The following BRD3 variants were observed in gnomAD, a reference collection of about 807,000 sequenced individuals.
The protein encoded by BRD3 is bromodomain containing 3.
BRD3 carries 17 observed loss-of-function variants against 66.8 expected under a neutral mutation model. The observed-to-expected ratio is 0.25, with a 90% CI of 0.17 to 0.38. The LOEUF is 0.38. Ranked by LOEUF, BRD3 falls within the 10% of genes least tolerant of loss-of-function variation. The probability of loss-of-function intolerance (pLI) is 1.00; values close to 1 mark genes in which losing one functional copy is unlikely to be tolerated. For synonymous variants in BRD3, 421 were observed against 393.2 expected (o/e 1.07, Z -0.84); for missense variants, 713 against 956.1 (o/e 0.75, Z 3.35).
intron 3 of BRD3, 46 bp from the exon 4 acceptor site, chr9:134,051,755 G>A (rs765434025): frequency 1.3e-6 from 2 of 1,562,086 alleles, no homozygotes; most frequent in Non-Finnish European, 1.7e-6. Context: ...AAGGAGCTGT[G>A]TGCTTGCAAA....
intron 1 of BRD3, 101 bp from the exon 2 acceptor site, chr9:134,053,691 G>T: frequency 9.2e-7 from 1 of 1,082,448 alleles, no homozygotes; most frequent in Non-Finnish European, 1.3e-6. Flanking sequence ...TCGGGCCTCA[G>T]CAGGGCCTGC....
chr9:134,061,488 G>C (rs1348459971), intron 1 of BRD3, among the ~76,000 whole-genome samples: 1 of 152,192 alleles, frequency 6.6e-6, no homozygotes, highest in African/African-American at 2.4e-5. Context: ...TGGGAGACAG[G>C]AGCACTGGAA....
rs146199216 is a variant in BRD3 at position 134,050,389 on chromosome 9, C to A, written c.699G>T (p.Thr233=). ...ATPIVPVVPP[T]PPVVKKKGVK... is the part of the protein sequence containing the mutation. ...GGGTGCTCACCTTGACGACAGGCGG[C>A]GTAGGAGGGACCACGGGGACGATGG... Residue 233 remains threonine (T), a synonymous_variant, in exon 5 of 12, where the codon ACG becomes ACT. Coordinates refer to ENST00000303407, the MANE Select transcript of BRD3 (RefSeq NM_007371.4). 4 of 1,611,228 alleles carry A rather than the reference C, an allele frequency of 2.5e-6. No individual in the cohort carries two copies. In the South Asian group the frequency reaches 3.3e-5, roughly 13 times the overall value.
At chr9:134,039,532 A>G (rs1224682936) in intron 9 of BRD3, among the ~76,000 whole-genome samples, 1 of 151,732 alleles carries the variant, frequency 6.6e-6, no homozygotes. Flanking sequence ...TGGCCAGGAG[A>G]GCTCCCATCC....
chr9:134,059,404 G>A (rs1037211207), intron 1 of BRD3, among the ~76,000 whole-genome samples: 1 of 152,232 alleles, frequency 6.6e-6, no homozygotes, highest in African/African-American at 2.4e-5. Context: ...AAGTGGGGCA[G>A]GGGTGGGGCA....
chr9:134,056,628 C>G (rs1415169830), intron 1 of BRD3: 1 of 152,394 alleles, frequency 6.6e-6, no homozygotes, highest in East Asian at 1.9e-4. Flanking sequence ...TGGCATCCCC[C>G]TCAAGCCCCC....
chr9:134,039,828 C>T (rs111254922), intron 9 of BRD3, among the ~76,000 whole-genome samples: 1 of 151,942 alleles, frequency 6.6e-6, no homozygotes, highest in Non-Finnish European at 1.5e-5. Context: ...GAATCCAGGC[C>T]AGCCCCGCAG....
Position 134,050,398 on chromosome 9 carries a change from G to A in BRD3, c.690C>T (p.Val230=). The change falls in exon 5 of 12, where the codon GTC becomes GTT. Residue 230 remains valine (V), a synonymous_variant. Coordinates refer to ENST00000303407, the MANE Select transcript of BRD3 (RefSeq NM_007371.4). Reference sequence around the variant, plus strand: ...CCTTGACGACAGGCGGCGTAGGAGGGACCACGGGGACGATGGGTGTGGCAG... The same window carrying A: ...CCTTGACGACAGGCGGCGTAGGAGGAACCACGGGGACGATGGGTGTGGCAG... ...PPPATPIVPV[V]PPTPPVVKKK... is the part of the protein sequence containing the mutation. 2.5e-6 allele frequency: 4 copies of A among 1,611,772 alleles called. No homozygotes were observed. The highest frequency in any genetic ancestry group is 2.5e-6 in the Non-Finnish European group (3 of 1,179,674).
upstream of BRD3, chr9:134,068,116 C>T (rs1830712419): frequency 7.0e-6 from 1 of 143,670 alleles, no homozygotes; most frequent in African/African-American, 2.5e-5. Context: ...CCGGGGCCGC[C>T]CAGGGGAGGC....
In BRD3 at chr9:134,053,436, C is replaced by G. The variant is rs376060429; in HGVS notation, c.42G>C (p.Ala14=). The change falls in exon 2 of 12, where the codon GCG becomes GCC. Residue 14 remains alanine (A), a synonymous_variant. Transcript: ENST00000303407. ...GGGGTGGGTTCACAGGGCCCGGGGTCGCCGGGATCCCCGCGGGGGCGACTG... is the reference window on the plus strand; with the variant it reads ...GGGGTGGGTTCACAGGGCCCGGGGTGGCCGGGATCCCCGCGGGGGCGACTG... ...ATTVAPAGIP[A]TPGPVNPPPP... The G allele has an allele frequency of 4.3e-6, 7 of 1,610,274 alleles. No homozygotes were observed. The African/African-American group carries it at 9.3e-5, about 21-fold the overall frequency.
At chr9:134,039,211 A>G (rs1038518636) in intron 9 of BRD3, among the ~76,000 whole-genome samples, 1 of 152,160 alleles carries the variant, frequency 6.6e-6, no homozygotes, top group East Asian at 1.9e-4. Flanking sequence ...CCACTAAGCT[A>G]TTCTCCATAG....
In BRD3 at chr9:134,062,774, C is replaced by T. The variant is rs917801120; in HGVS notation, c.-114+5171G>A. ...TCAGGCCCTCCCAACCCCAGGCCAC[C>T]GCCACGTAGTCAGGGTCTCCCACGG... On this transcript the variant is annotated intron_variant, in intron 1 of 11. Coordinates refer to ENST00000303407, the MANE Select transcript of BRD3 (RefSeq NM_007371.4). Among the ~76,000 whole-genome samples, 9 of 152,170 alleles carry T rather than the reference C, an allele frequency of 5.9e-5. No homozygotes were observed. The South Asian group carries it at 1.7e-3, about 28-fold the overall frequency.
At chr9:134,053,672 G>A (rs1830352579) in intron 1 of BRD3, 82 bp from the exon 2 acceptor site, 1 of 1,317,536 alleles carries the variant, frequency 7.6e-7, no homozygotes, top group Non-Finnish European at 1.0e-6. Context: ...GGGCTCCTGA[G>A]GGCACCTGTC....
intron 1 of BRD3, among the ~76,000 whole-genome samples, chr9:134,065,351 G>T (rs973207316): frequency 1.3e-5 from 2 of 152,130 alleles, no homozygotes; most frequent in Admixed American, 6.5e-5. Context: ...TAGAACCCGG[G>T]AGGTAGAGGT....
intron 1 of BRD3, among the ~76,000 whole-genome samples, chr9:134,065,193 G>A (rs1399120988): frequency 6.6e-6 from 1 of 152,178 alleles, no homozygotes; most frequent in Non-Finnish European, 1.5e-5. Flanking sequence ...GGGAGGCCAA[G>A]GCAGGTGGAT....
Position 134,045,217 on chromosome 9 carries a change from C to A in BRD3, c.1215+76G>T. ...TTCCTCGGCTGGACATTCACCTGGG[C>A]GCTTACCCCACACTGAGGCCAGGAT... On this transcript the variant is annotated intron_variant, in intron 7 of 11. Coordinates refer to ENST00000303407, the MANE Select transcript of BRD3 (RefSeq NM_007371.4). This position sits in a 1 kb window ranked among gnomAD's most constrained non-coding sequence, Gnocchi z 4.8. 1 of 1,574,682 alleles carries A rather than the reference C, an allele frequency of 6.4e-7. No homozygotes were observed. The highest frequency in any genetic ancestry group is 1.1e-5 in the South Asian group (1 of 87,708).
chr9:134,061,409 G>A (rs974617245), intron 1 of BRD3, among the ~76,000 whole-genome samples: 1 of 152,254 alleles, frequency 6.6e-6, no homozygotes, highest in African/African-American at 2.4e-5. Context: ...GAGTCTGGAG[G>A]AGCAGTGGCA....
Position 134,059,025 on chromosome 9 carries a change from G to A in BRD3, c.-113-5435C>T, listed in dbSNP as rs147892769. On this transcript the variant is annotated intron_variant, in intron 1 of 11. Transcript: ENST00000303407. Reference sequence around the variant, plus strand: ...CTGATTCAACACTGACTGTATTTCCGGAACCAGAGTTAGTATTGGGGGTAT... The same window carrying A: ...CTGATTCAACACTGACTGTATTTCCAGAACCAGAGTTAGTATTGGGGGTAT... 2.9e-3 allele frequency among the ~76,000 whole-genome samples: 446 copies of A among 152,368 alleles called. 3 individuals carry two copies. The highest frequency in any genetic ancestry group is 9.7e-3 in the African/African-American group (403 of 41,592).
intron 1 of BRD3, among the ~76,000 whole-genome samples, chr9:134,067,382 GGT>G (rs1830684552): frequency 1.4e-5 from 2 of 148,146 alleles, no homozygotes; most frequent in Non-Finnish European, 3.0e-5. Flanking sequence ...GCGCGGCGAC[GGT>G]CCCCAGGCGC....
Sources: gnomAD v4.1 joint callset for allele counts (sites outside exome capture counted in the v4.1 genomes callset) on GRCh38, gnomAD v4.1.1 for gene constraint, Gnocchi (gnomAD v3.1) non-coding constraint, MANE v1.5 for transcripts, NCBI Gene and HGNC (gene_info 2026-07-23, HGNC 2026-07-21) for gene names.